The following CNOT9 variants were observed in gnomAD, a reference collection of about 807,000 sequenced individuals.
CNOT9 encodes CCR4-NOT transcription complex subunit 9, also known as RCD1 required for cell differentiation1 homolog.
In CNOT9, 8 loss-of-function variants were observed where a neutral mutation model predicts 37.4. The observed-to-expected ratio is 0.21, with a 90% CI of 0.13 to 0.39. The LOEUF is 0.39. Among genes scored for constraint, CNOT9 ranks in the 10% least tolerant of loss-of-function variants. CNOT9 has a pLI of 1.00. For missense variants in CNOT9, 154 were observed against 365.3 expected (o/e 0.42, Z 4.71); for synonymous variants, 120 against 137.6 (o/e 0.87, Z 0.90).
chr2:218,580,627 A>G lies in CNOT9; in HGVS notation c.91A>G (p.Ser31Gly), dbSNP rs769980167. The G allele has an allele frequency of 3.1e-6, 5 of 1,613,930 alleles. No homozygotes were observed. The East Asian group carries it at 1.1e-4, about 36-fold the overall frequency. Residue 31 changes from serine (S) to glycine (G), a missense_variant, in exon 2 of 8, where the codon AGT becomes GGT. This residue lies in a region of CNOT9 where 37 missense variants were observed against 39.9 expected (regional missense o/e 0.93). Transcript: ENST00000273064. Reference sequence around the variant, plus strand: ...CTATCAGTGGATCAATGAGCTGTCCAGTCCTGAGACTAGGGAAAATGCTTT... The same window carrying G: ...CTATCAGTGGATCAATGAGCTGTCCGGTCCTGAGACTAGGGAAAATGCTTT... ...KIYQWINELS[S>G]PETRENALLE...
At chr2:218,587,022 T>A (rs1694617512) in intron 4 of CNOT9, among the ~76,000 whole-genome samples, 1 of 152,154 alleles carries the variant, frequency 6.6e-6, no homozygotes, top group African/African-American at 2.4e-5. Context: ...GGCAGTGTAA[T>A]ACTGGAGAAA....
Position 218,582,989 on chromosome 2 carries a change from C to G in CNOT9, c.223C>G (p.Pro75Ala), listed in dbSNP as rs751992889. The change falls in exon 3 of 8, where the codon CCA becomes GCA. Residue 75 changes from proline to alanine, a missense_variant. Transcript: ENST00000273064. ...TTTTTAGGAAATTGTAAATATTTAT[C>G]CATCTATCAACCCACCCACCTTGAC... The part of the protein sequence containing the change: ...ALLQEIVNIY[P>A]SINPPTLTAH... 1 of 1,606,622 alleles carries G rather than the reference C, an allele frequency of 6.2e-7. No individual in the cohort carries two copies. Among genetic ancestry groups the G allele is most frequent in the South Asian group, 1.1e-5 (1 of 90,828 alleles).
At chr2:218,577,745 C>A (rs948815447) in intron 1 of CNOT9, among the ~76,000 whole-genome samples, 1 of 152,166 alleles carries the variant, frequency 6.6e-6, no homozygotes, top group Admixed American at 6.5e-5. Context: ...AAGTCACACA[C>A]TGGCTCCAGT....
rs1694942517 is a variant in CNOT9 at position 218,596,965 on chromosome 2, A to G, written c.*2689A>G. 6.6e-6 allele frequency: 1 copy of G among 152,156 alleles called. No individual in the cohort carries two copies. Among genetic ancestry groups the G allele is most frequent in the African/African-American group, 2.4e-5 (1 of 41,428 alleles). The allele number at this position is 152,156 out of a possible 1,614,324, so 9.4% of individuals were successfully genotyped here. A position where few individuals can be genotyped will look rare whatever the true frequency, so the allele number is the denominator to read the frequency against. On this transcript the variant is annotated 3_prime_UTR_variant, in exon 8 of 8. Coordinates refer to ENST00000273064, the MANE Select transcript of CNOT9 (RefSeq NM_005444.3). ...AACAGGAGCAGCATTGGTAGCCTTC[A>G]GAGCATGCCTTGCTTACTAACTACA...
intron 4 of CNOT9, 106 bp from the exon 5 acceptor site, chr2:218,587,480 G>T: frequency 7.6e-7 from 1 of 1,320,358 alleles, no homozygotes. Flanking sequence ...ACCCCAGTTT[G>T]TGTTCTGTTA....
chr2:218,580,499 G>T, intron 1 of CNOT9, 62 bp from the exon 2 acceptor site: 1 of 1,392,516 alleles, frequency 7.2e-7, no homozygotes, highest in African/African-American at 1.4e-5. Context: ...AAACTCTGTT[G>T]CAGGGTAAGA....
intron 1 of CNOT9, among the ~76,000 whole-genome samples, chr2:218,578,073 G>A (rs1161758493): frequency 1.3e-5 from 2 of 152,206 alleles, no homozygotes; most frequent in African/African-American, 4.8e-5. Context: ...CCTAGAAAGG[G>A]CAAGTGCCTG....
intron 5 of CNOT9, among the ~76,000 whole-genome samples, chr2:218,591,380 A>C (rs1694770614): frequency 6.6e-6 from 1 of 152,214 alleles, no homozygotes; most frequent in African/African-American, 2.4e-5. Flanking sequence ...GATATGTTTT[A>C]TTACTGTTAG....
intron 5 of CNOT9, chr2:218,589,330 A>C (rs1424576539): frequency 6.6e-6 from 1 of 151,974 alleles, no homozygotes; most frequent in African/African-American, 2.4e-5. Context: ...CTGGTTTTTT[A>C]ATTTTTAATT....
chr2:218,570,119 A>T (rs1398429708), intron 1 of CNOT9, among the ~76,000 whole-genome samples: 2 of 152,212 alleles, frequency 1.3e-5, no homozygotes, highest in African/African-American at 4.8e-5. Flanking sequence ...ACTTTGCTGC[A>T]TGAAAGAATA....
In CNOT9 at chr2:218,571,654, C is replaced by G. The variant is rs554874384; in HGVS notation, c.24+2676C>G. Among the ~76,000 whole-genome samples the G allele has an allele frequency of 7.3e-5, 11 of 150,478 alleles. No individual in the cohort carries two copies. In the South Asian group the frequency reaches 1.9e-3, roughly 26 times the overall value. ...TAGCGAGATCTCAGCTCACAGCAAT[C>G]TCCGCCTCCTGGGTTCAAGCAATTC... On this transcript the variant is annotated intron_variant, in intron 1 of 7. Transcript: ENST00000273064.
intron 4 of CNOT9, among the ~76,000 whole-genome samples, chr2:218,585,638 AT>A (rs535660050): frequency 3.1e-4 from 13 of 41,820 alleles, no homozygotes; most frequent in Admixed American, 3.8e-4. Flanking sequence ...TTTTTATTTT[AT>A]TTTTTTTTTT....
intron 1 of CNOT9, chr2:218,574,024 C>T: frequency 2.3e-6 from 1 of 434,184 alleles, no homozygotes; most frequent in Non-Finnish European, 4.6e-6. Context: ...GGCTGGAGTG[C>T]AGTGGTGTGA....
rs1292435706 is a variant in CNOT9, at chr2:218,583,094, C to G, written c.320+8C>G. The G allele has an allele frequency of 1.3e-6, 2 of 1,575,706 alleles. No individual in the cohort carries two copies. Among genetic ancestry groups the G allele is most frequent in the Admixed American group, 3.4e-5 (2 of 59,668 alleles). On this transcript the variant is annotated splice_region_variant and intron_variant, in intron 3 of 7. Coordinates refer to ENST00000273064, the MANE Select transcript of CNOT9 (RefSeq NM_005444.3). ...ATCACATCCAGAAACCAGGTAAATG[C>G]TTTGGGTGAGTCACTTGGGGGAGAT...
At position 218,583,233 on chromosome 2, in the gene CNOT9, GTCTCTCTCTCTCTCTCTCTC is replaced by G. The variant is rs150987052; in HGVS notation, c.320+182_320+201del. On this transcript the variant is annotated intron_variant, in intron 3 of 7. Transcript: ENST00000273064. Reference sequence around the variant, plus strand: ...TGTGTGTGTGTGTGTGTGTGTGTGTGTCTCTCTCTCTCTCTCTCTCTCTCTCTCTCTCTCTCTCTCTCTCT... The same window carrying G: ...TGTGTGTGTGTGTGTGTGTGTGTGTGTCTCTCTCTCTCTCTCTCTCTCTCT... 2.4e-3 allele frequency: 114 copies of G among 47,782 alleles called. 1 individual carries two copies. The highest frequency in any genetic ancestry group is 0.01 in the Middle Eastern group (1 of 100). 3.0% of individuals were successfully genotyped at this position (47,782 alleles called of 1,614,324 possible). A position where few individuals can be genotyped will look rare whatever the true frequency, so the allele number is the denominator to read the frequency against.
chr2:218,579,583 T>A (rs1694297028), intron 1 of CNOT9, among the ~76,000 whole-genome samples: 1 of 151,686 alleles, frequency 6.6e-6, no homozygotes, highest in Non-Finnish European at 1.5e-5. Flanking sequence ...GCCTCCTGGG[T>A]TCACACCATT....
At chr2:218,581,454 G>C (rs1233519142) in intron 2 of CNOT9, among the ~76,000 whole-genome samples, 1 of 151,780 alleles carries the variant, frequency 6.6e-6, no homozygotes, top group African/African-American at 2.4e-5. Flanking sequence ...ACAGGCATGA[G>C]CCACCATGCC....
chr2:218,586,732 C>G (rs1694609006), intron 4 of CNOT9, among the ~76,000 whole-genome samples: 1 of 152,050 alleles, frequency 6.6e-6, no homozygotes, highest in African/African-American at 2.4e-5. Flanking sequence ...TCAGGTGATC[C>G]AGCTGCCTCA....
In CNOT9 at chr2:218,595,305, C is replaced by G. The variant is rs1456288523; in HGVS notation, c.*1029C>G. Reference sequence around the variant, plus strand: ...TTCTTTGTTTTAGTGTGAATTTCAGCAGCTCCATCTGTCTTCATGATTGTA... The same window carrying G: ...TTCTTTGTTTTAGTGTGAATTTCAGGAGCTCCATCTGTCTTCATGATTGTA... On this transcript the variant is annotated 3_prime_UTR_variant, in exon 8 of 8. Transcript: ENST00000273064. 1 of 151,318 alleles carries G rather than the reference C, an allele frequency of 6.6e-6. No homozygotes were observed. The highest frequency in any genetic ancestry group is 1.5e-5 in the Non-Finnish European group (1 of 67,936). 9.4% of individuals were successfully genotyped at this position (151,318 alleles called of 1,614,324 possible).
Sources: allele counts gnomAD v4.1 joint callset (sites outside exome capture counted in the v4.1 genomes callset), GRCh38; gene constraint gnomAD v4.1.1; regional missense constraint gnomAD v4.1.1; transcripts MANE v1.5; gene names NCBI Gene and HGNC (gene_info 2026-07-23, HGNC 2026-07-21).